DTNA: variants seen among roughly 807,000 people sequenced by gnomAD.
DTNA encodes the protein dystrobrevin alpha, also known as dystrophin-related protein 3.
Under a neutral mutation model 100.7 loss-of-function variants are expected in DTNA, and 43 were observed. That is an observed-to-expected ratio of 0.43 (90% confidence interval 0.33 to 0.55). The LOEUF is 0.55. Among genes scored for constraint, DTNA ranks in the 20% least tolerant of loss-of-function variants. DTNA has a pLI of 0.04. For synonymous variants in DTNA, 349 were observed against 347.9 expected (o/e 1.00, Z -0.04); for missense variants, 798 against 953.9 (o/e 0.84, Z 2.15).
At chr18:34,846,918 T>G (rs1194875319) in intron 13 of DTNA, among the ~76,000 whole-genome samples, 2 of 152,180 alleles carry the variant, frequency 1.3e-5, no homozygotes, top group Non-Finnish European at 2.9e-5. Flanking sequence ...GAGGGTGTCT[T>G]TACAATATGT....
At chr18:34,808,805 C>G (rs1279034512) in intron 5 of DTNA, among the ~76,000 whole-genome samples, 1 of 152,148 alleles carries the variant, frequency 6.6e-6, no homozygotes, top group Non-Finnish European at 1.5e-5. Flanking sequence ...AAAGAAGCAA[C>G]AAATGCATGT....
At chr18:34,547,577 AG>A (rs774797867) in intron 1 of DTNA, among the ~76,000 whole-genome samples, 10 of 152,144 alleles carry the variant, frequency 6.6e-5, no homozygotes, top group Non-Finnish European at 1.2e-4. Flanking sequence ...AGTTTATGAA[AG>A]ACATCCATTA....
chr18:34,851,120 G>A (rs538853879), intron 14 of DTNA, among the ~76,000 whole-genome samples: 1 of 151,976 alleles, frequency 6.6e-6, no homozygotes, highest in South Asian at 2.1e-4. Context: ...ATTTATTTTT[G>A]TGAGATGGAA....
intron 1 of DTNA, among the ~76,000 whole-genome samples, chr18:34,555,643 C>T (rs947395550): frequency 3.3e-5 from 5 of 152,168 alleles, no homozygotes; most frequent in African/African-American, 9.6e-5. Context: ...ATCCAGTAGT[C>T]GTTCAGGAGC....
At chr18:34,703,217 C>T (rs12969009) in intron 1 of DTNA, among the ~76,000 whole-genome samples, 12,468 of 152,074 alleles carry the variant, frequency 0.082, 650 homozygotes, top group African/African-American at 0.13. Flanking sequence ...TAGAGCGTTC[C>T]TACATGTACT....
intron 1 of DTNA, among the ~76,000 whole-genome samples, chr18:34,684,617 T>C (rs1388467217): frequency 6.6e-6 from 1 of 152,218 alleles, no homozygotes; most frequent in East Asian, 1.9e-4. Flanking sequence ...TACATGTGCA[T>C]GTGTCTTTAT....
intron 5 of DTNA, among the ~76,000 whole-genome samples, chr18:34,808,713 A>G (rs767343458): frequency 1.7e-4 from 26 of 152,166 alleles, no homozygotes; most frequent in Admixed American, 5.9e-4. Context: ...TATAACTGCT[A>G]CAGTGCTTTC....
At chr18:34,881,917 T>A in intron 20 of DTNA, 152 bp from the exon 21 acceptor site, 2 of 1,012,636 alleles carry the variant, frequency 2.0e-6, no homozygotes, top group East Asian at 5.2e-5. Context: ...TGTTTCCAAG[T>A]TTTTTTTAGG....
intron 16 of DTNA, among the ~76,000 whole-genome samples, chr18:34,861,050 T>C (rs2096618211): frequency 6.6e-6 from 1 of 152,188 alleles, no homozygotes; most frequent in South Asian, 2.1e-4. Flanking sequence ...GTGTAATTTA[T>C]GTATATATTT....
chr18:34,876,644 C>T (rs373912251), intron 18 of DTNA, among the ~76,000 whole-genome samples: 2 of 151,978 alleles, frequency 1.3e-5, no homozygotes, highest in African/African-American at 2.4e-5. Flanking sequence ...AGCAAAAGTG[C>T]GAGGAAAAAG....
At chr18:34,705,278 C>T (rs758586000) in intron 1 of DTNA, among the ~76,000 whole-genome samples, 39 of 152,080 alleles carry the variant, frequency 2.6e-4, no homozygotes, top group East Asian at 5.8e-4. Flanking sequence ...GATATACTGC[C>T]GTGTGGGTTG....
At chr18:34,760,952 A>C (rs985839259) in intron 2 of DTNA, among the ~76,000 whole-genome samples, 3 of 152,076 alleles carry the variant, frequency 2.0e-5, no homozygotes, top group Non-Finnish European at 4.4e-5. Flanking sequence ...AACTATCTTC[A>C]CCCATCAACA....
At chr18:34,712,199 A>G (rs191814641) in intron 1 of DTNA, among the ~76,000 whole-genome samples, 6 of 152,202 alleles carry the variant, frequency 3.9e-5, no homozygotes, top group African/African-American at 1.4e-4. Context: ...AGATATACAA[A>G]AGGTAAAGAT....
intron 1 of DTNA, among the ~76,000 whole-genome samples, chr18:34,604,312 C>T (rs559570544): frequency 2.7e-4 from 41 of 152,264 alleles, no homozygotes; most frequent in Non-Finnish European, 5.3e-4. Context: ...GGAAATATAA[C>T]TTCTTTCTGT....
intron 1 of DTNA, among the ~76,000 whole-genome samples, chr18:34,592,948 G>A (rs2049908683): frequency 6.6e-6 from 1 of 152,180 alleles, no homozygotes; most frequent in South Asian, 2.1e-4. Flanking sequence ...CTGAGTAACA[G>A]TACAAAACTT....
chr18:34,566,814 G>A (rs1568669339), intron 1 of DTNA, among the ~76,000 whole-genome samples: 2 of 152,202 alleles, frequency 1.3e-5, no homozygotes, highest in African/African-American at 4.8e-5. Context: ...CTGATCAGTA[G>A]TGTGAAAGAT....
chr18:34,829,482 G>A lies in DTNA; in HGVS notation c.1168G>A (p.Gly390Ser), dbSNP rs938718247. The A allele has an allele frequency of 3.6e-5, 55 of 1,520,430 alleles. No homozygotes were observed. The East Asian group carries it at 5.9e-4, about 16-fold the overall frequency. The allele number at this position is 1,520,430 out of a possible 1,614,324, so 94.2% of individuals were successfully genotyped here. ...GCTGTACGTAAATCAGCTTGATCAC[G>A]GTGCACGGTCAGTATCCCAGCCCTG... is the stretch of plus-strand genomic sequence containing the variant. ...IKLYVNQLDH[G>S]ARSPPKDSEV... Residue 390 changes from glycine (G) to serine (S), a missense_variant, in exon 11 of 23, where the codon GGT (glycine) becomes AGT (serine). Transcript: ENST00000444659.
intron 1 of DTNA, among the ~76,000 whole-genome samples, chr18:34,524,824 A>G (rs1344372451): frequency 6.6e-6 from 1 of 152,080 alleles, no homozygotes; most frequent in African/African-American, 2.4e-5. Context: ...AGCTGTGACA[A>G]CCCAAACATT....
intron 1 of DTNA, among the ~76,000 whole-genome samples, chr18:34,627,730 T>C (rs73412495): frequency 0.026 from 4,023 of 152,286 alleles, 181 homozygotes; most frequent in African/African-American, 0.092. Context: ...ATGCACATGA[T>C]TGTGCCAGTG....
Sources: gnomAD v4.1 joint callset for allele counts (sites outside exome capture counted in the v4.1 genomes callset) on GRCh38, gnomAD v4.1.1 for gene constraint, MANE v1.5 for transcripts, NCBI Gene and HGNC (gene_info 2026-07-23, HGNC 2026-07-21) for gene names.